RXRA: variants seen among roughly 807,000 people sequenced by gnomAD.
RXRA encodes retinoic acid receptor RXR-alpha.
RXRA carries 5 observed loss-of-function variants against 44.5 expected under a neutral mutation model. The ratio of observed to expected loss-of-function variants is 0.11; its 90% CI spans 0.06 to 0.24. The LOEUF (loss-of-function observed/expected upper bound fraction) is 0.24, where lower values mean the gene tolerates loss of function less well. Among genes scored for constraint, RXRA ranks in the 10% least tolerant of loss-of-function variants. RXRA has a pLI of 1.00. For missense variants in RXRA, 412 were observed against 646.5 expected, an observed-to-expected ratio of 0.64 and a Z score of 3.93; for synonymous variants, 291 against 271.4, an observed-to-expected ratio of 1.07 and a Z score of -0.71.
chr9:134,344,488 G>A (rs1188695562), intron 1 of RXRA, among the ~76,000 whole-genome samples: 1 of 152,232 alleles, frequency 6.6e-6, no homozygotes, highest in East Asian at 1.9e-4. Context: ...ACCCGCCCAA[G>A]GCTTAGATTC....
intron 1 of RXRA, among the ~76,000 whole-genome samples, chr9:134,328,526 A>C (rs192082203): frequency 8.1e-4 from 123 of 152,266 alleles, no homozygotes; most frequent in Admixed American, 3.5e-3. Flanking sequence ...CGACCGGCCC[A>C]TGGCCTCCCA....
chr9:134,431,850 C>A (rs1831536986), intron 7 of RXRA, 55 bp from the exon 8 acceptor site: 3 of 1,395,212 alleles, frequency 2.2e-6, no homozygotes, highest in African/African-American at 1.4e-5. Flanking sequence ...GGGGTGTGGC[C>A]CTGGTGAGGG....
In RXRA at chr9:134,426,590, G is replaced by C; in HGVS notation, c.911-2518G>C. Reference sequence around the variant, plus strand: ...GTGCTGAGGGCCGCACCTCGGCTCAGCAGCGCCTTCTGACCCCAGCCGTGC... The same window carrying C: ...GTGCTGAGGGCCGCACCTCGGCTCACCAGCGCCTTCTGACCCCAGCCGTGC... On this transcript the variant is annotated intron_variant, in intron 6 of 9. Coordinates refer to ENST00000481739, the MANE Select transcript of RXRA (RefSeq NM_002957.6). This position sits in a 1 kb window ranked among gnomAD's most constrained non-coding sequence, Gnocchi z 4.6. 2.0e-6 allele frequency: 2 copies of C among 985,446 alleles called. No individual in the cohort carries two copies. Among genetic ancestry groups the C allele is most frequent in the Non-Finnish European group, 2.4e-6 (2 of 829,940 alleles). 61.0% of individuals were successfully genotyped at this position (985,446 alleles called of 1,614,324 possible).
chr9:134,339,948 C>T (rs2119025195), intron 1 of RXRA, among the ~76,000 whole-genome samples: 2 of 151,686 alleles, frequency 1.3e-5, no homozygotes, highest in Middle Eastern at 6.8e-3. Flanking sequence ...CGCCTGTGCT[C>T]TTGTGTGAGC....
intron 1 of RXRA, among the ~76,000 whole-genome samples, chr9:134,388,908 C>T (rs1013068253): frequency 1.3e-5 from 2 of 152,172 alleles, no homozygotes; most frequent in African/African-American, 4.8e-5. Flanking sequence ...TGCTGCTTGA[C>T]GGACTGGGTG....
chr9:134,383,583 C>T (rs1830677735), intron 1 of RXRA, among the ~76,000 whole-genome samples: 1 of 152,142 alleles, frequency 6.6e-6, no homozygotes, highest in Admixed American at 6.5e-5. Context: ...CCGGAAGAAC[C>T]CACAGAGGCT....
At chr9:134,335,024 G>A (rs1554747122) in intron 1 of RXRA, among the ~76,000 whole-genome samples, 1 of 152,186 alleles carries the variant, frequency 6.6e-6, no homozygotes, top group Non-Finnish European at 1.5e-5. Flanking sequence ...TATCACTCAA[G>A]GCCAGGCTAG....
intron 1 of RXRA, 98 bp from the exon 2 acceptor site, chr9:134,401,534 C>T: frequency 6.3e-7 from 1 of 1,577,276 alleles, no homozygotes; most frequent in Admixed American, 1.8e-5. Flanking sequence ...CCGGGGTCTT[C>T]CCGCAGGTGC....
At chr9:134,372,498 TTTG>T (rs1239602651) in intron 1 of RXRA, among the ~76,000 whole-genome samples, 1 of 152,088 alleles carries the variant, frequency 6.6e-6, no homozygotes, top group Non-Finnish European at 1.5e-5. Flanking sequence ...GCAGAATTGA[TTTG>T]TTATCACTGG....
intron 1 of RXRA, among the ~76,000 whole-genome samples, chr9:134,375,661 G>A (rs1002810675): frequency 1.3e-5 from 2 of 152,184 alleles, no homozygotes; most frequent in African/African-American, 4.8e-5. Flanking sequence ...GCCAGCAGGT[G>A]GGCCCGGGGC....
intron 4 of RXRA, among the ~76,000 whole-genome samples, chr9:134,415,814 G>A (rs1212021437): frequency 6.6e-6 from 1 of 152,224 alleles, no homozygotes; most frequent in East Asian, 1.9e-4. Context: ...AGAGTGGAGA[G>A]GCCTTGACTG....
Position 134,407,387 on chromosome 9 carries a change from C to T in RXRA, c.280-762C>T, listed in dbSNP as rs1267331183. On this transcript the variant is annotated intron_variant, in intron 2 of 9. Transcript: ENST00000481739. The surrounding 1 kb of genome is among the most constrained non-coding windows in gnomAD (Gnocchi z 4.8). ...AGCCAGGCTGGCTGGCAGGCTGCAG[C>T]GGGAAGCGCCTGTGGGTCCTCGGCG... Among the ~76,000 whole-genome samples, 1 of 152,214 alleles carries T rather than the reference C, an allele frequency of 6.6e-6. No homozygotes were observed. Among genetic ancestry groups the T allele is most frequent in the African/African-American group, 2.4e-5 (1 of 41,456 alleles).
At chr9:134,414,573 G>A (rs1011778741) in intron 4 of RXRA, among the ~76,000 whole-genome samples, 3 of 152,262 alleles carry the variant, frequency 2.0e-5, no homozygotes, top group Non-Finnish European at 4.4e-5. Flanking sequence ...GGCTCTGTGG[G>A]GCTGGGGTTG....
intron 1 of RXRA, among the ~76,000 whole-genome samples, chr9:134,367,456 G>A (rs1160503166): frequency 6.6e-6 from 1 of 152,216 alleles, no homozygotes; most frequent in Non-Finnish European, 1.5e-5. Context: ...CACATGCAGG[G>A]ACGACGTGCC....
chr9:134,395,822 G>A (rs529843532), intron 1 of RXRA, among the ~76,000 whole-genome samples: 1 of 152,384 alleles, frequency 6.6e-6, no homozygotes, highest in Non-Finnish European at 1.5e-5. Context: ...TCCTCAGATG[G>A]GGCTGAGATT....
In RXRA at chr9:134,349,568, C is replaced by A. The variant is rs141562549; in HGVS notation, c.28+22909C>A. ...CACGGACAGGGACCCAGCAACTTGG[C>A]GAGCATGGGCCAGACAGGGGCAGGG... On this transcript the variant is annotated intron_variant, in intron 1 of 9. Transcript: ENST00000481739. This position sits in a 1 kb window ranked among gnomAD's most constrained non-coding sequence, Gnocchi z 4.3. 6.6e-6 allele frequency among the ~76,000 whole-genome samples: 1 copy of A among 152,086 alleles called. No homozygotes were observed. Among genetic ancestry groups the A allele is most frequent in the African/African-American group, 2.4e-5 (1 of 41,386 alleles).
chr9:134,428,168 C>G (rs145992463), intron 6 of RXRA, among the ~76,000 whole-genome samples: 6 of 151,724 alleles, frequency 4.0e-5, no homozygotes, highest in African/African-American at 9.7e-5. Flanking sequence ...CTGTCTGCCC[C>G]CCAGGGAACC....
chr9:134,432,806 A>G (rs749759), intron 8 of RXRA, among the ~76,000 whole-genome samples: 123,341 of 152,104 alleles, frequency 0.81, 50,579 homozygotes, highest in African/African-American at 0.95. Context: ...CAGGGGAGTG[A>G]GAGGCACGGA....
intron 6 of RXRA, chr9:134,425,106 G>T (rs1214457617): frequency 1.0e-6 from 1 of 985,392 alleles, no homozygotes; most frequent in Non-Finnish European, 1.2e-6. Flanking sequence ...TCACTCCGGG[G>T]AGTGTCCACC....
Sources: gnomAD v4.1 joint callset for allele counts (sites outside exome capture counted in the v4.1 genomes callset) on GRCh38, gnomAD v4.1.1 for gene constraint, Gnocchi (gnomAD v3.1) non-coding constraint, MANE v1.5 for transcripts, NCBI Gene and HGNC (gene_info 2026-07-23, HGNC 2026-07-21) for gene names.